The following PDGFD variants were observed in gnomAD, a reference collection of about 807,000 sequenced individuals.
The protein encoded by PDGFD is platelet derived growth factor D.
A neutral mutation model predicts 44.7 loss-of-function variants in PDGFD; 30 were observed. The observed-to-expected ratio is 0.67, with a 90% CI of 0.50 to 0.91. The LOEUF (loss-of-function observed/expected upper bound fraction) is 0.91. Ranked by LOEUF, PDGFD falls within the 40% of genes least tolerant of loss-of-function variation. The probability of loss-of-function intolerance (pLI) is 0.00; values close to 1 mark genes in which losing one functional copy is unlikely to be tolerated. For missense variants in PDGFD, 445 were observed against 457.8 expected (o/e 0.97, Z 0.25); for synonymous variants, 173 against 168.4 (o/e 1.03, Z -0.21).
intron 6 of PDGFD, 115 bp from the exon 7 acceptor site, chr11:103,909,934 A>G: frequency 7.9e-7 from 1 of 1,259,960 alleles, no homozygotes; most frequent in Non-Finnish European, 1.1e-6. Flanking sequence ...AACCCAACAG[A>G]AGCTATGGGC....
intron 1 of PDGFD, among the ~76,000 whole-genome samples, chr11:104,064,222 C>A (rs1209521978): frequency 6.6e-6 from 1 of 152,230 alleles, no homozygotes; most frequent in Non-Finnish European, 1.5e-5. Flanking sequence ...TCATAGCCAT[C>A]ACCTAAAACT....
At chr11:104,029,854 A>C (rs12363015) in intron 1 of PDGFD, among the ~76,000 whole-genome samples, 3,500 of 152,282 alleles carry the variant, frequency 0.023, 59 homozygotes, top group South Asian at 0.042. Flanking sequence ...TGTATGATAG[A>C]TAAGTGTTTA....
chr11:104,058,181 T>C (rs1047973744), intron 1 of PDGFD, among the ~76,000 whole-genome samples: 15 of 152,194 alleles, frequency 9.9e-5, no homozygotes, highest in African/African-American at 3.6e-4. Flanking sequence ...TTAAAAACTC[T>C]TGGATAAACA....
chr11:103,949,843 C>G (rs917705681), intron 3 of PDGFD, among the ~76,000 whole-genome samples: 14 of 152,028 alleles, frequency 9.2e-5, no homozygotes, highest in African/African-American at 2.9e-4. Context: ...ACATAGGAAG[C>G]TGATTTGTTA....
intron 3 of PDGFD, among the ~76,000 whole-genome samples, chr11:103,977,838 A>T (rs1417355791): frequency 6.6e-6 from 1 of 152,112 alleles, no homozygotes; most frequent in Non-Finnish European, 1.5e-5. Context: ...TTTTCTTTAG[A>T]AATATGGTTG....
intron 2 of PDGFD, among the ~76,000 whole-genome samples, chr11:103,998,516 T>C (rs1565306632): frequency 6.6e-6 from 1 of 152,232 alleles, no homozygotes; most frequent in Non-Finnish European, 1.5e-5. Flanking sequence ...GAAAGCACTC[T>C]TTCCATACAT....
chr11:104,131,935 A>T lies in PDGFD; in HGVS notation c.124+31869T>A, dbSNP rs116782870. ...AGATAAAACTGACAAGTGGCACCAGATGAATCTTTGGATGTATGTTCAGAG... is the reference window on the plus strand; with the variant it reads ...AGATAAAACTGACAAGTGGCACCAGTTGAATCTTTGGATGTATGTTCAGAG... On this transcript the variant is annotated intron_variant, in intron 1 of 6. Coordinates refer to ENST00000393158, the MANE Select transcript of PDGFD (RefSeq NM_025208.5). Among the ~76,000 whole-genome samples the T allele has an allele frequency of 7.3e-3, 1,104 of 152,064 alleles. 7 individuals are homozygous for T. Among genetic ancestry groups the T allele is most frequent in the African/African-American group, 0.024 (990 of 41,490 alleles).
chr11:103,978,610 C>T (rs142560111), intron 3 of PDGFD, among the ~76,000 whole-genome samples: 4 of 152,050 alleles, frequency 2.6e-5, no homozygotes, highest in Admixed American at 6.6e-5. Flanking sequence ...GAGTCACTTA[C>T]ATTTTAGAAA....
rs116558924 is a variant in PDGFD, at chr11:104,075,139, T to C, written c.125-74884A>G. Reference sequence around the variant, plus strand: ...ATAACATGAAAATGCAGCTTGAAAATAGGCTAAGATACAAATGTTCACTGG... The same window carrying C: ...ATAACATGAAAATGCAGCTTGAAAACAGGCTAAGATACAAATGTTCACTGG... On this transcript the variant is annotated intron_variant, in intron 1 of 6. Coordinates refer to ENST00000393158, the MANE Select transcript of PDGFD (RefSeq NM_025208.5). Among the ~76,000 whole-genome samples the C allele has an allele frequency of 3.1e-3, 465 of 152,270 alleles. 2 individuals carry two copies. The highest frequency in any genetic ancestry group is 9.9e-3 in the African/African-American group (412 of 41,554).
chr11:104,113,475 A>G (rs1257152915), intron 1 of PDGFD, among the ~76,000 whole-genome samples: 1 of 152,132 alleles, frequency 6.6e-6, no homozygotes, highest in African/African-American at 2.4e-5. Context: ...ATAATATTCC[A>G]TTGTTTGGAT....
intron 1 of PDGFD, among the ~76,000 whole-genome samples, chr11:104,122,312 G>C (rs1272928643): frequency 4.4e-4 from 67 of 152,030 alleles, no homozygotes; most frequent in Admixed American, 4.4e-3. Flanking sequence ...AGGTCAGGCA[G>C]AGAACTCATC....
chr11:104,019,206 A>G (rs1351335971), intron 1 of PDGFD, among the ~76,000 whole-genome samples: 5 of 152,158 alleles, frequency 3.3e-5, no homozygotes, highest in African/African-American at 1.2e-4. Flanking sequence ...GATTATATTT[A>G]TCTTGTTCAA....
chr11:104,154,272 C>T (rs1271393803), intron 1 of PDGFD, among the ~76,000 whole-genome samples: 1 of 152,082 alleles, frequency 6.6e-6, no homozygotes, highest in Non-Finnish European at 1.5e-5. Flanking sequence ...ACAAAACATG[C>T]TTTTTAAGGC....
At chr11:103,954,739 A>G (rs1044189156) in intron 3 of PDGFD, among the ~76,000 whole-genome samples, 1 of 152,170 alleles carries the variant, frequency 6.6e-6, no homozygotes, top group East Asian at 1.9e-4. Flanking sequence ...CCCTCTCCTA[A>G]TTGTATCTGT....
intron 1 of PDGFD, among the ~76,000 whole-genome samples, chr11:104,110,745 C>T (rs533099027): frequency 4.6e-5 from 7 of 152,136 alleles, no homozygotes; most frequent in African/African-American, 1.7e-4. Flanking sequence ...GAGCTCTGAC[C>T]GTGGCTTGGT....
chr11:104,071,181 C>A (rs1034919536), intron 1 of PDGFD, among the ~76,000 whole-genome samples: 4 of 151,884 alleles, frequency 2.6e-5, no homozygotes, highest in Non-Finnish European at 5.9e-5. Context: ...TATTGTGCAT[C>A]AGATTTTTAA....
intron 1 of PDGFD, among the ~76,000 whole-genome samples, chr11:104,160,760 A>G (rs1486591523): frequency 1.3e-5 from 2 of 152,034 alleles, no homozygotes; most frequent in Non-Finnish European, 2.9e-5. Flanking sequence ...TAGCCATTCT[A>G]CAGGTAGAAA....
In PDGFD at chr11:103,942,935, A is replaced by C. The variant is rs11819912; in HGVS notation, c.772+517T>G. The stretch of plus-strand genomic sequence containing the variant: ...AATAATGCCTTGCTTGCCAAAAAAT[A>C]AGAAGCTGGTTCAGATAATTTTTAT... On this transcript the variant is annotated intron_variant, in intron 5 of 6. Transcript: ENST00000393158. Among the ~76,000 whole-genome samples, 663 of 152,284 alleles carry C rather than the reference A, an allele frequency of 4.4e-3. 9 individuals carry two copies. The South Asian group carries it at 0.055, about 13-fold the overall frequency.
rs1565340232 is a variant in PDGFD at position 104,118,857 on chromosome 11, A to AAATATTAATATATAATATATT, written c.124+44946_124+44947insAATATATTATATATTAATATT. Among the ~76,000 whole-genome samples, 449 of 65,234 alleles carry AAATATTAATATATAATATATT rather than the reference A, an allele frequency of 6.9e-3. 41 individuals carry two copies. Among genetic ancestry groups the AAATATTAATATATAATATATT allele is most frequent in the African/African-American group, 0.026 (429 of 16,710 alleles). The allele number at this position is 65,234 out of a possible 152,430, so 42.8% of individuals were successfully genotyped here. ...TAATATATAATATATTATATATTAT[A>AAATATTAATATATAATATATT]ATATATTATATATTAATATACATAT... On this transcript the variant is annotated intron_variant, in intron 1 of 6. Coordinates refer to ENST00000393158, the MANE Select transcript of PDGFD (RefSeq NM_025208.5).
Sources: gnomAD v4.1 joint callset for allele counts (sites outside exome capture counted in the v4.1 genomes callset) on GRCh38, gnomAD v4.1.1 for gene constraint, MANE v1.5 for transcripts, NCBI Gene and HGNC (gene_info 2026-07-23, HGNC 2026-07-21) for gene names.